Variants in MAPRE2 observed in about 807,000 individuals in gnomAD.
MAPRE2 encodes microtubule-associated protein RP/EB family member 2.
MAPRE2 carries 13 observed loss-of-function variants against 43.2 expected under a neutral mutation model. The observed-to-expected ratio is 0.30, with a 90% CI of 0.20 to 0.48. MAPRE2 has a LOEUF of 0.48. Among genes scored for constraint, MAPRE2 ranks in the 20% least tolerant of loss-of-function variants. The pLI is 0.99. For missense variants in MAPRE2, 161 were observed against 400.2 expected (o/e 0.40, Z 5.10); for synonymous variants, 135 against 148.8 (o/e 0.91, Z 0.68).
chr18:35,099,081 A>G (rs1467121006), intron 3 of MAPRE2, among the ~76,000 whole-genome samples: 1 of 152,224 alleles, frequency 6.6e-6, no homozygotes, highest in African/African-American at 2.4e-5. Flanking sequence ...TCATGTTGAT[A>G]GAGAATGCAG....
chr18:35,006,703 G>A (rs2097032036), intron 2 of MAPRE2, among the ~76,000 whole-genome samples: 1 of 152,198 alleles, frequency 6.6e-6, no homozygotes, highest in Non-Finnish European at 1.5e-5. Flanking sequence ...TAGTGAAAGT[G>A]GAAATATGGA....
At chr18:35,140,135 A>T (rs1910563502) in intron 6 of MAPRE2, among the ~76,000 whole-genome samples, 160 bp from the exon 7 acceptor site, 1 of 152,226 alleles carries the variant, frequency 6.6e-6, no homozygotes, top group African/African-American at 2.4e-5. Context: ...TGTATCAGAC[A>T]CCGGAAGCTG....
intron 1 of MAPRE2, among the ~76,000 whole-genome samples, chr18:35,055,466 C>T (rs1371374492): frequency 2.6e-5 from 4 of 151,532 alleles, no homozygotes; most frequent in African/African-American, 9.7e-5. Flanking sequence ...CTGCAAAGAC[C>T]TTTTTCCAAA....
At chr18:35,017,429 A>G (rs1173299704) in intron 2 of MAPRE2, among the ~76,000 whole-genome samples, 2 of 151,718 alleles carry the variant, frequency 1.3e-5, no homozygotes, top group Admixed American at 6.6e-5. Context: ...GATTCTTCCA[A>G]TCCATGAGCA....
chr18:35,060,320 T>C (rs684402), intron 1 of MAPRE2, among the ~76,000 whole-genome samples: 20,016 of 152,054 alleles, frequency 0.13, 1,491 homozygotes, highest in East Asian at 0.3. Flanking sequence ...CTGAGAAAAG[T>C]TGGTGCCCTG....
chr18:35,002,426 G>A (rs1440160412), intron 1 of MAPRE2, among the ~76,000 whole-genome samples: 1 of 152,108 alleles, frequency 6.6e-6, no homozygotes, highest in Non-Finnish European at 1.5e-5. Context: ...TGGGGTATAC[G>A]CCAAAGTGAG....
intron 1 of MAPRE2, among the ~76,000 whole-genome samples, chr18:35,042,493 A>G (rs1905419033): frequency 6.6e-6 from 1 of 152,176 alleles, no homozygotes; most frequent in Non-Finnish European, 1.5e-5. Context: ...ACATTAACAT[A>G]TCTGGCAATA....
At chr18:35,003,275 C>T (rs1314766904) in intron 1 of MAPRE2, among the ~76,000 whole-genome samples, 9 of 152,090 alleles carry the variant, frequency 5.9e-5, no homozygotes, top group East Asian at 3.9e-4. Context: ...CCAGGTATTT[C>T]GAATCTATGT....
chr18:35,128,443 C>G (rs1910002833), intron 5 of MAPRE2, among the ~76,000 whole-genome samples: 1 of 152,160 alleles, frequency 6.6e-6, no homozygotes, highest in Non-Finnish European at 1.5e-5. Context: ...CACATTCAAG[C>G]AACCAAGTAT....
rs1269969423 is a variant in MAPRE2, at chr18:35,034,631, C to T, written c.-8+29078C>T. 2.6e-5 allele frequency among the ~76,000 whole-genome samples: 4 copies of T among 152,148 alleles called. No individual in the cohort carries two copies. In the East Asian group the frequency reaches 5.8e-4, roughly 22 times the overall value. ...TATTCATCTGACAAAGGGCTAATAT[C>T]CAGAATCTACAATGAACTCAAACAA... On this transcript the variant is annotated intron_variant, in intron 2 of 7. Coordinates refer to the MAPRE2 transcript ENST00000413393.
chr18:35,085,309 C>T (rs1282342114), intron 2 of MAPRE2, among the ~76,000 whole-genome samples: 1 of 152,178 alleles, frequency 6.6e-6, no homozygotes, highest in African/African-American at 2.4e-5. Context: ...GTAATAGTTG[C>T]AGTTCTGCAG....
intron 2 of MAPRE2, among the ~76,000 whole-genome samples, chr18:35,006,787 A>G (rs1444475434): frequency 6.6e-6 from 1 of 152,152 alleles, no homozygotes; most frequent in African/African-American, 2.4e-5. Context: ...ACATGGCAAA[A>G]CCCTGTCTCT....
chr18:35,068,366 T>C (rs986018181), intron 1 of MAPRE2, among the ~76,000 whole-genome samples: 1 of 152,194 alleles, frequency 6.6e-6, no homozygotes, highest in Admixed American at 6.5e-5. Flanking sequence ...TCTCGTCATA[T>C]TGGAAAAGAA....
intron 2 of MAPRE2, among the ~76,000 whole-genome samples, chr18:35,019,735 G>A (rs568770136): frequency 1.2e-4 from 18 of 152,056 alleles, no homozygotes; most frequent in African/African-American, 3.6e-4. Context: ...ACTTTGGTGT[G>A]CCTGAAACTT....
intron 1 of MAPRE2, among the ~76,000 whole-genome samples, chr18:35,057,507 C>CGTGTGTGTGCGTGT (rs1555914296): frequency 8.7e-5 from 13 of 149,520 alleles, no homozygotes; most frequent in African/African-American, 3.2e-4. Flanking sequence ...GGAGTGTGTG[C>CGTGTGTGTGCGTGT]GTGTGTGTGT....
At chr18:35,127,622 C>T (rs1021723632) in intron 5 of MAPRE2, 2 of 152,164 alleles carry the variant, frequency 1.3e-5, no homozygotes, top group African/African-American at 4.8e-5. Flanking sequence ...CCTTTCCTTC[C>T]TTCATAGAAC....
chr18:35,111,105 T>C (rs1012016596), intron 4 of MAPRE2, among the ~76,000 whole-genome samples: 3 of 152,190 alleles, frequency 2.0e-5, no homozygotes, highest in Non-Finnish European at 4.4e-5. Flanking sequence ...ATAACACAAG[T>C]CCCTGAGGCA....
intron 4 of MAPRE2, among the ~76,000 whole-genome samples, chr18:35,113,943 GA>G (rs1355899928): frequency 6.6e-6 from 1 of 152,120 alleles, no homozygotes; most frequent in East Asian, 1.9e-4. Context: ...AATATTTATT[GA>G]GCACATATTA....
At chr18:34,999,226 A>C (rs1228544107) in intron 1 of MAPRE2, among the ~76,000 whole-genome samples, 1 of 152,234 alleles carries the variant, frequency 6.6e-6, no homozygotes, top group Non-Finnish European at 1.5e-5. Flanking sequence ...ATTTTCAAAA[A>C]TATCTGATTA....
Sources: gnomAD v4.1 joint callset for allele counts (sites outside exome capture counted in the v4.1 genomes callset) on GRCh38, gnomAD v4.1.1 for gene constraint, MANE v1.5 for transcripts, NCBI Gene and HGNC (gene_info 2026-07-23, HGNC 2026-07-21) for gene names.